The following SIPA1L2 variants were observed in gnomAD, a reference collection of about 807,000 sequenced individuals.
SIPA1L2 encodes signal induced proliferation associated 1 like 2, also known as signal-induced proliferation-associated 1-like protein 2.
In SIPA1L2, 56 loss-of-function variants were observed where a neutral mutation model predicts 163.9. The observed-to-expected ratio is 0.34, with a 90% CI of 0.28 to 0.43. The LOEUF is 0.43. Ranked by LOEUF, SIPA1L2 falls within the 20% of genes least tolerant of loss-of-function variation. The pLI, the probability that SIPA1L2 is intolerant of heterozygous loss-of-function variation, is 1.00. For missense variants in SIPA1L2, 1,974 were observed against 2,193.5 expected (o/e 0.90, Z 2.00); for synonymous variants, 877 against 865.7 (o/e 1.01, Z -0.23).
At chr1:232,605,224 G>A (rs1661835085) in intron 1 of SIPA1L2, among the ~76,000 whole-genome samples, 1 of 152,126 alleles carries the variant, frequency 6.6e-6, no homozygotes, top group Admixed American at 6.5e-5. Flanking sequence ...ATGTTGCCCA[G>A]TCTGGTGTCA....
At chr1:232,551,158 T>C (rs1658357735) in intron 2 of SIPA1L2, among the ~76,000 whole-genome samples, 1 of 152,108 alleles carries the variant, frequency 6.6e-6, no homozygotes, top group African/African-American at 2.4e-5. Context: ...GGTGGGAAGA[T>C]TAGATGAGAT....
chr1:232,417,445 T>C (rs1382383186), intron 18 of SIPA1L2, among the ~76,000 whole-genome samples: 1 of 152,128 alleles, frequency 6.6e-6, no homozygotes, highest in Non-Finnish European at 1.5e-5. Context: ...GGTTCTTCCT[T>C]ATTCTACTTG....
intron 19 of SIPA1L2, among the ~76,000 whole-genome samples, chr1:232,410,547 T>A (rs929163832): frequency 8.7e-5 from 13 of 149,784 alleles, no homozygotes; most frequent in South Asian, 2.1e-4. Flanking sequence ...AATTTCAAAA[T>A]ATATATATAT....
chr1:232,475,384 T>C (rs1032060665), intron 7 of SIPA1L2, among the ~76,000 whole-genome samples: 1 of 152,226 alleles, frequency 6.6e-6, no homozygotes, highest in East Asian at 1.9e-4. Context: ...TTTGCACTTA[T>C]ACATACATAT....
chr1:232,423,284 G>C (rs569047893), intron 18 of SIPA1L2, among the ~76,000 whole-genome samples: 1 of 152,258 alleles, frequency 6.6e-6, no homozygotes, highest in South Asian at 2.1e-4. Context: ...ACTTATGGTG[G>C]GTTTATCTGG....
chr1:232,587,215 C>G (rs942389269), intron 1 of SIPA1L2, among the ~76,000 whole-genome samples: 1 of 152,142 alleles, frequency 6.6e-6, no homozygotes, highest in Non-Finnish European at 1.5e-5. Context: ...AACTGATACA[C>G]CAGGTACAGA....
At chr1:232,472,240 C>T (rs2225041) in intron 7 of SIPA1L2, among the ~76,000 whole-genome samples, 36,656 of 152,072 alleles carry the variant, frequency 0.24, 4,604 homozygotes, top group Admixed American at 0.34. Flanking sequence ...CCAGACAATG[C>T]AGTTGTCTCT....
At chr1:232,466,612 A>C (rs1572941439) in intron 8 of SIPA1L2, among the ~76,000 whole-genome samples, 2 of 152,066 alleles carry the variant, frequency 1.3e-5, no homozygotes, top group South Asian at 4.1e-4. Flanking sequence ...AGCACGGTGA[A>C]ACCCCGTCTC....
In SIPA1L2 at chr1:232,415,482, G is replaced by T. The variant is rs1263476530; in HGVS notation, c.4762+12C>A. 2.5e-6 allele frequency: 4 copies of T among 1,601,158 alleles called. No individual in the cohort carries two copies. The highest frequency in any genetic ancestry group is 1.1e-5 in the South Asian group (1 of 89,030). On this transcript the variant is annotated intron_variant, in intron 19 of 22. Transcript: ENST00000674635. ...GGGTAAGGGGTGAGGCCAGAGGCTGGTGAGTCTTTACCTTCAAATGCCCGT... is the reference window on the plus strand; with the variant it reads ...GGGTAAGGGGTGAGGCCAGAGGCTGTTGAGTCTTTACCTTCAAATGCCCGT...
Position 232,515,538 on chromosome 1 carries a change from ATGT to A in SIPA1L2, c.-202_-200del, listed in dbSNP as rs1667182985. The A allele has an allele frequency of 1.8e-6, 1 of 561,618 alleles. No homozygotes were observed. The highest frequency in any genetic ancestry group is 2.8e-5 in the South Asian group (1 of 35,962). The allele number at this position is 561,618 out of a possible 1,614,324, so 34.8% of individuals were successfully genotyped here. A position where few individuals can be genotyped will look rare whatever the true frequency, so the allele number is the denominator to read the frequency against. On this transcript the variant is annotated 5_prime_UTR_variant, in exon 3 of 23. Transcript: ENST00000674635. ...AACTTGCTTCTCTGTTGTCGTAATAATGTTGTACGCCTCTGTTCTTTTCAAAAG... is the reference window on the plus strand; with the variant it reads ...AACTTGCTTCTCTGTTGTCGTAATAATGTACGCCTCTGTTCTTTTCAAAAG...
intron 1 of SIPA1L2, among the ~76,000 whole-genome samples, chr1:232,580,147 G>A (rs1458611584): frequency 6.6e-6 from 1 of 152,206 alleles, no homozygotes; most frequent in Non-Finnish European, 1.5e-5. Flanking sequence ...AGCAATCCAA[G>A]AAGTCACAGT....
intron 11 of SIPA1L2, among the ~76,000 whole-genome samples, chr1:232,444,136 T>C (rs1231319137): frequency 1.3e-5 from 2 of 152,188 alleles, no homozygotes; most frequent in Non-Finnish European, 1.5e-5. Flanking sequence ...TTTTCACACA[T>C]CTCTTGAATG....
chr1:232,521,019 T>C (rs925918243), intron 2 of SIPA1L2, among the ~76,000 whole-genome samples: 3 of 152,244 alleles, frequency 2.0e-5, no homozygotes, highest in Non-Finnish European at 1.5e-5. Context: ...TAAATTGATA[T>C]ACAAGTTCAA....
intron 3 of SIPA1L2, among the ~76,000 whole-genome samples, chr1:232,498,625 G>A (rs1666316080): frequency 6.6e-6 from 1 of 152,250 alleles, no homozygotes; most frequent in Admixed American, 6.5e-5. Context: ...ACCTACATTC[G>A]TTACGTTTCT....
intron 2 of SIPA1L2, among the ~76,000 whole-genome samples, chr1:232,568,599 C>A (rs1438963990): frequency 6.6e-6 from 1 of 152,174 alleles, no homozygotes; most frequent in Non-Finnish European, 1.5e-5. Flanking sequence ...ACAGACAGGG[C>A]TATCCTGGGT....
intron 1 of SIPA1L2, among the ~76,000 whole-genome samples, chr1:232,606,663 T>TA (rs1357202303): frequency 6.7e-6 from 1 of 149,188 alleles, no homozygotes; most frequent in African/African-American, 2.4e-5. Flanking sequence ...TTATTAATAC[T>TA]AAAAAAGATC....
At chr1:232,605,617 C>T (rs1260692540) in intron 1 of SIPA1L2, among the ~76,000 whole-genome samples, 1 of 152,094 alleles carries the variant, frequency 6.6e-6, no homozygotes, top group East Asian at 1.9e-4. Context: ...TCGCTTGAAC[C>T]TGGGAGGCGG....
chr1:232,480,150 T>TGC (rs1259327788), intron 6 of SIPA1L2, among the ~76,000 whole-genome samples: 6 of 124,956 alleles, frequency 4.8e-5, no homozygotes, highest in South Asian at 2.5e-4. Flanking sequence ...TGTGTGTGTG[T>TGC]GTGCGTGTGT....
At chr1:232,413,791 G>A (rs1661089795) in intron 19 of SIPA1L2, among the ~76,000 whole-genome samples, 1 of 152,224 alleles carries the variant, frequency 6.6e-6, no homozygotes, top group African/African-American at 2.4e-5. Context: ...TCAGTACTCT[G>A]CAGATAGTTA....
Sources: gnomAD v4.1 joint callset for allele counts (sites outside exome capture counted in the v4.1 genomes callset) on GRCh38, gnomAD v4.1.1 for gene constraint, MANE v1.5 for transcripts, NCBI Gene and HGNC (gene_info 2026-07-23, HGNC 2026-07-21) for gene names.